The following VCAN variants were observed in gnomAD, a reference collection of about 807,000 sequenced individuals.
VCAN encodes versican, also known as versican core protein.
Under a neutral mutation model 245.5 loss-of-function variants are expected in VCAN, and 44 were observed. The observed-to-expected ratio is 0.18, with a 90% confidence interval of 0.14 to 0.23. VCAN has a LOEUF of 0.23. Ranked by LOEUF, VCAN falls within the 10% of genes least tolerant of loss-of-function variation. The probability of loss-of-function intolerance (pLI) is 1.00; values close to 1 mark genes in which losing one functional copy is unlikely to be tolerated. For synonymous variants in VCAN, 1,413 were observed against 1,437.0 expected, an observed-to-expected ratio of 0.98 and a Z score of 0.38; for missense variants, 3,793 against 4,057.9, an observed-to-expected ratio of 0.93 and a Z score of 1.77.
rs770798047 is a variant in VCAN at position 83,519,357 on chromosome 5, G to T, written c.1051G>T (p.Ala351Ser). The part of the protein sequence containing the change: ...FDAYCFKPKE[A>S]TTIDLSILAE... ...TGAAATTATTTTTCTAGCTAAAGAG[G>T]CTACAACCATCGATTTGAGTATCCT... The change falls in exon 7 of 15, where the codon GCT becomes TCT. Residue 351 changes from alanine to serine, a missense_variant. Coordinates refer to ENST00000265077, the MANE Select transcript of VCAN (RefSeq NM_004385.5). 6.2e-7 allele frequency: 1 copy of T among 1,613,874 alleles called. No homozygotes were observed. Among genetic ancestry groups the T allele is most frequent in the South Asian group, 1.1e-5 (1 of 91,064 alleles).
intron 12 of VCAN, among the ~76,000 whole-genome samples, chr5:83,555,718 T>G (rs778872554): frequency 6.6e-6 from 1 of 152,186 alleles, no homozygotes; most frequent in Non-Finnish European, 1.5e-5. Flanking sequence ...TGGTACTCAG[T>G]GCTGGCTGTT....
rs1026193810 is a variant in VCAN, at chr5:83,538,140, G to A, written c.5137G>A (p.Glu1713Lys). 1 of 1,613,982 alleles carries A rather than the reference G, an allele frequency of 6.2e-7. No homozygotes were observed. The highest frequency in any genetic ancestry group is 8.5e-7 in the Non-Finnish European group (1 of 1,179,976). The change falls in exon 8 of 15, where the codon GAG becomes AAG. Residue 1713 changes from glutamate (E) to lysine (K), a missense_variant. Around this residue, in one of 5 missense-constraint regions of VCAN, gnomAD observed 3,182 missense variants for 3,250.3 expected, o/e 0.98. Coordinates refer to ENST00000265077, the MANE Select transcript of VCAN (RefSeq NM_004385.5). ...GTTTGTAAGTGAAACAGACACTTCT[G>A]AGTGGATTTCCAGTACCACTGTTGA... ...TKFVSETDTS[E>K]WISSTTVEEK...
intron 10 of VCAN, among the ~76,000 whole-genome samples, chr5:83,549,745 T>C (rs2112463927): frequency 6.6e-6 from 1 of 152,324 alleles, no homozygotes; most frequent in East Asian, 1.9e-4. Context: ...TCAAGCAAGT[T>C]TGATTTTCAT....
chr5:83,512,266 G>A lies in VCAN; in HGVS notation c.912G>A (p.Val304=), dbSNP rs779575099. The A allele has an allele frequency of 1.9e-6, 3 of 1,614,174 alleles. No homozygotes were observed. The highest frequency in any genetic ancestry group is 2.5e-6 in the Non-Finnish European group (3 of 1,180,038). ...ACGGGTGGCTGTCGGATGCCAGCGT[G>A]CGCCACCCTGTGACTGTGGCCAGGG... ...CDYGWLSDAS[V]RHPVTVARAQ... The change falls in exon 6 of 15, where the codon GTG becomes GTA. Residue 304 remains valine (V), a synonymous_variant. Coordinates refer to ENST00000265077, the MANE Select transcript of VCAN (RefSeq NM_004385.5).
In VCAN at chr5:83,539,020, C is replaced by A. The variant is rs1427472781; in HGVS notation, c.6017C>A (p.Ser2006Tyr). ...GCCTTCCCCTGGGAAGAGTTTACATCCTCAGCTGAGGGCTCAGGTGAGCAA... is the reference window on the plus strand; with the variant it reads ...GCCTTCCCCTGGGAAGAGTTTACATACTCAGCTGAGGGCTCAGGTGAGCAA... ...TSAFPWEEFT[S>Y]SAEGSGEQLV... Residue 2006 changes from serine to tyrosine, a missense_variant, in exon 8 of 15, where the codon TCC becomes TAC. Ser to Tyr is a moderately radical substitution (Grantham distance 144, BLOSUM62 -2). This residue lies in a region of VCAN where 3,182 missense variants were observed against 3,250.3 expected (regional missense o/e 0.98). Coordinates refer to ENST00000265077, the MANE Select transcript of VCAN (RefSeq NM_004385.5). The A allele has an allele frequency of 3.1e-6, 5 of 1,614,018 alleles. No homozygotes were observed. The highest frequency in any genetic ancestry group is 3.4e-6 in the Non-Finnish European group (4 of 1,179,950).
At position 83,520,052 on chromosome 5, in the gene VCAN, G is replaced by A; in HGVS notation, c.1746G>A (p.Val582=). 6.2e-7 allele frequency: 1 copy of A among 1,614,108 alleles called. No individual in the cohort carries two copies. Among genetic ancestry groups the A allele is most frequent in the African/African-American group, 1.3e-5 (1 of 75,044 alleles). ...ACCAAATTCCTGAAGTCATTACGGT[G>A]TCAAAGACTTCAGAAGACACCATCC... ...IFDQIPEVIT[V]SKTSEDTIHT... is the part of the protein sequence containing the mutation. Residue 582 remains valine (V), a synonymous_variant, in exon 7 of 15, where the codon GTG becomes GTA. Transcript: ENST00000265077.
intron 1 of VCAN, among the ~76,000 whole-genome samples, chr5:83,482,579 G>T (rs1041579515): frequency 6.6e-6 from 1 of 152,152 alleles, no homozygotes; most frequent in Non-Finnish European, 1.5e-5. Flanking sequence ...ACCGAGGAGG[G>T]CACAACTGTA....
chr5:83,500,865 T>G lies in VCAN; in HGVS notation c.748+6934T>G, dbSNP rs546417679. Among the ~76,000 whole-genome samples, 18 of 152,336 alleles carry G rather than the reference T, an allele frequency of 1.2e-4. No individual in the cohort carries two copies. In the East Asian group the frequency reaches 2.5e-3, roughly 21 times the overall value. On this transcript the variant is annotated intron_variant, in intron 5 of 14. Transcript: ENST00000265077. ...TTGCTGGGTCAAATGGTAACTACTTTGAACTTTTTGAGGAAATGCTAGGCT... is the reference window on the plus strand; with the variant it reads ...TTGCTGGGTCAAATGGTAACTACTTGGAACTTTTTGAGGAAATGCTAGGCT...
intron 12 of VCAN, among the ~76,000 whole-genome samples, chr5:83,559,205 T>A (rs936033305): frequency 2.6e-5 from 4 of 152,172 alleles, no homozygotes; most frequent in African/African-American, 9.6e-5. Context: ...ACTTTTCTTA[T>A]CTAGCTTATA....
At position 83,567,955 on chromosome 5, in the gene VCAN, A is replaced by G. The variant is rs1748147708; in HGVS notation, c.9736-4461A>G. 2.6e-5 allele frequency among the ~76,000 whole-genome samples: 4 copies of G among 152,144 alleles called. No homozygotes were observed. In the South Asian group the frequency reaches 8.3e-4, roughly 32 times the overall value. On this transcript the variant is annotated intron_variant, in intron 12 of 14. Transcript: ENST00000265077. ...TGAAAAATAAAGAAATCCAAATGGG[A>G]GGTACTGAGTTTTTCCCTGCTAATT...
chr5:83,473,800 T>C (rs932656901), intron 1 of VCAN, among the ~76,000 whole-genome samples: 3 of 152,192 alleles, frequency 2.0e-5, no homozygotes, highest in African/African-American at 7.2e-5. Context: ...CACAACCTTG[T>C]GTTCAAGGAT....
At chr5:83,492,091 T>G (rs911333302) in intron 3 of VCAN, among the ~76,000 whole-genome samples, 4 of 152,156 alleles carry the variant, frequency 2.6e-5, no homozygotes, top group Non-Finnish European at 4.4e-5. Context: ...TGAATGCCAG[T>G]TGTCATTGCA....
At chr5:83,553,297 T>C in intron 10 of VCAN, 67 bp from the exon 11 acceptor site, 1 of 1,604,118 alleles carries the variant, frequency 6.2e-7, no homozygotes, top group South Asian at 1.1e-5. Context: ...CTACTAACAC[T>C]TGGTTGGGGG....
At chr5:83,576,142 T>A (rs985976713) in intron 13 of VCAN, among the ~76,000 whole-genome samples, 1 of 152,138 alleles carries the variant, frequency 6.6e-6, no homozygotes, top group African/African-American at 2.4e-5. Context: ...TGCCCATGTA[T>A]CTGTGGAGTA....
intron 1 of VCAN, among the ~76,000 whole-genome samples, chr5:83,479,317 A>T (rs567924459): frequency 7.4e-4 from 112 of 152,024 alleles, no homozygotes; most frequent in African/African-American, 2.6e-3. Flanking sequence ...AGAATACTAA[A>T]TATCTATTTA....
At position 83,539,479 on chromosome 5, in the gene VCAN, C is replaced by T. The variant is rs374880165; in HGVS notation, c.6476C>T (p.Thr2159Ile). The T allele has an allele frequency of 5.0e-6, 8 of 1,613,598 alleles. No individual in the cohort carries two copies. Among genetic ancestry groups the T allele is most frequent in the South Asian group, 1.1e-5 (1 of 91,076 alleles). Residue 2159 changes from threonine to isoleucine, a missense_variant, in exon 8 of 15, where the codon ACA (threonine) becomes ATA (isoleucine). Thr to Ile is a moderately conservative substitution (Grantham distance 89, BLOSUM62 -1). Around this residue, in one of 5 missense-constraint regions of VCAN, gnomAD observed 3,182 missense variants for 3,250.3 expected, o/e 0.98. Coordinates refer to ENST00000265077, the MANE Select transcript of VCAN (RefSeq NM_004385.5). The stretch of plus-strand genomic sequence containing the variant: ...AAAACCACAGATTATTCTGTACTAA[C>T]AACAAAGAAAACTTACAGTGATGAT... ...ELKTTDYSVL[T>I]TKKTYSDDKE...
Position 83,472,012 on chromosome 5 carries a change from C to T in VCAN, c.-18C>T. 1 of 374,504 alleles carries T rather than the reference C, an allele frequency of 2.7e-6. No individual in the cohort carries two copies. The highest frequency in any genetic ancestry group is 4.7e-6 in the Non-Finnish European group (1 of 211,590). The allele number at this position is 374,504 out of a possible 1,614,324, so 23.2% of individuals were successfully genotyped here. On this transcript the variant is annotated 5_prime_UTR_variant, in exon 1 of 15. Coordinates refer to ENST00000265077, the MANE Select transcript of VCAN (RefSeq NM_004385.5). Reference sequence around the variant, plus strand: ...AATTTTCCCCCCAAACTGCAATAAGCCGCCTTCCAAGGTAATCACGTTTCT... The same window carrying T: ...AATTTTCCCCCCAAACTGCAATAAGTCGCCTTCCAAGGTAATCACGTTTCT...
rs1364935194 is a variant in VCAN at position 83,537,200 on chromosome 5, T to C, written c.4197T>C (p.Ala1399=). Residue 1399 remains alanine, a synonymous_variant, in exon 8 of 15, where the codon GCT becomes GCC. Coordinates refer to ENST00000265077, the MANE Select transcript of VCAN (RefSeq NM_004385.5). ...AAGAAGAAGAAGAGTGTGCAAATGC[T>C]ACTGATGTGACAACCACCCCATCTG... The part of the protein sequence containing the change: ...NEEEEEECAN[A]TDVTTTPSVQ... 3.7e-6 allele frequency: 6 copies of C among 1,613,792 alleles called. No individual in the cohort carries two copies. Among genetic ancestry groups the C allele is most frequent in the Admixed American group, 1.7e-5 (1 of 59,916 alleles).
intron 3 of VCAN, 114 bp downstream of exon 3, chr5:83,490,586 A>C (rs1580603096): frequency 1.4e-6 from 2 of 1,460,584 alleles, no homozygotes; most frequent in East Asian, 2.4e-5. Flanking sequence ...GCGGAAAAAC[A>C]CCTGTCAATC....
Sources: gnomAD v4.1 joint callset for allele counts (sites outside exome capture counted in the v4.1 genomes callset) on GRCh38, gnomAD v4.1.1 for gene constraint, gnomAD v4.1.1 regional missense constraint, MANE v1.5 for transcripts, NCBI Gene and HGNC (gene_info 2026-07-23, HGNC 2026-07-21) for gene names.